The following ADAMTS17 variants were observed in gnomAD, a reference collection of about 807,000 sequenced individuals.
ADAMTS17 encodes the protein ADAM metallopeptidase with thrombospondin type 1 motif 17.
Under a neutral mutation model 141.5 loss-of-function variants are expected in ADAMTS17, and 113 were observed. The ratio of observed to expected loss-of-function variants is 0.80; its 90% CI spans 0.69 to 0.93. ADAMTS17 has a LOEUF of 0.93. ADAMTS17 is among the 40% of genes least tolerant of loss of function. The probability of loss-of-function intolerance (pLI) is 0.00; values close to 1 mark genes in which losing one functional copy is unlikely to be tolerated. For synonymous variants in ADAMTS17, 768 were observed against 630.6 expected, an observed-to-expected ratio of 1.22 and a Z score of -3.27; for missense variants, 1,659 against 1,517.9, an observed-to-expected ratio of 1.09 and a Z score of -1.54.
chr15:100,254,093 G>A (rs1227646218), intron 7 of ADAMTS17, 43 bp downstream of exon 7: 1 of 1,585,952 alleles, frequency 6.3e-7, no homozygotes, highest in Non-Finnish European at 8.7e-7. Context: ...ATTCTCCCAG[G>A]GTGTATCAGC....
At chr15:100,152,871 A>C in intron 9 of ADAMTS17, 109 bp from the exon 10 acceptor site, 1 of 1,426,334 alleles carries the variant, frequency 7.0e-7, no homozygotes, top group Non-Finnish European at 9.5e-7. Context: ...GGGCACCTCC[A>C]CGTTCCTTAT....
rs979109464 is a variant in ADAMTS17 at position 100,326,356 on chromosome 15, T to C, written c.616+4533A>G. On this transcript the variant is annotated intron_variant, in intron 3 of 21. Coordinates refer to ENST00000268070, the MANE Select transcript of ADAMTS17 (RefSeq NM_139057.4). ...GAACACTGGATACACTACAAAATCATATTTTATTTTATCCACTGGGAGAGC... is the reference window on the plus strand; with the variant it reads ...GAACACTGGATACACTACAAAATCACATTTTATTTTATCCACTGGGAGAGC... 5.9e-5 allele frequency among the ~76,000 whole-genome samples: 9 copies of C among 152,298 alleles called. No homozygotes were observed. The Middle Eastern group carries it at 0.01, about 173-fold the overall frequency.
intron 18 of ADAMTS17, among the ~76,000 whole-genome samples, chr15:100,024,299 T>C (rs530892144): frequency 6.6e-6 from 1 of 152,360 alleles, no homozygotes; most frequent in South Asian, 2.1e-4. Context: ...TCTCATTTTG[T>C]TGCCCTGGCT....
At chr15:100,173,446 G>C (rs1019893765) in intron 8 of ADAMTS17, among the ~76,000 whole-genome samples, 6 of 152,056 alleles carry the variant, frequency 3.9e-5, no homozygotes, top group Non-Finnish European at 5.9e-5. Flanking sequence ...AGGACCCCAA[G>C]TCAACCACCT....
chr15:100,177,676 G>A (rs533155469), intron 8 of ADAMTS17, among the ~76,000 whole-genome samples: 2 of 152,258 alleles, frequency 1.3e-5, no homozygotes, highest in African/African-American at 4.8e-5. Context: ...TTGATGTTTG[G>A]TTCTATATCC....
At chr15:99,976,891 T>C (rs2060344545) in intron 20 of ADAMTS17, among the ~76,000 whole-genome samples, 1 of 152,196 alleles carries the variant, frequency 6.6e-6, no homozygotes, top group Non-Finnish European at 1.5e-5. Flanking sequence ...TAACTCATGC[T>C]AGCTGCATTC....
At chr15:100,108,863 G>A (rs1187922095) in intron 14 of ADAMTS17, 126 bp downstream of exon 14, 1 of 1,529,240 alleles carries the variant, frequency 6.5e-7, no homozygotes, top group Non-Finnish European at 9.0e-7. Flanking sequence ...GGCATCACTG[G>A]GTGCCTTCCT....
chr15:100,010,800 G>C (rs1260914402), intron 18 of ADAMTS17, among the ~76,000 whole-genome samples: 2 of 152,222 alleles, frequency 1.3e-5, no homozygotes, highest in East Asian at 1.9e-4. Context: ...GGGCTGCAAT[G>C]TTCTCCCAGG....
At chr15:100,079,032 C>CATTTGT (rs2034563491) in intron 15 of ADAMTS17, among the ~76,000 whole-genome samples, 1 of 152,184 alleles carries the variant, frequency 6.6e-6, no homozygotes, top group South Asian at 2.1e-4. Flanking sequence ...ATTGTACCCA[C>CATTTGT]TAGGATGACT....
intron 18 of ADAMTS17, among the ~76,000 whole-genome samples, chr15:100,000,242 C>A (rs1012139800): frequency 4.6e-5 from 7 of 152,202 alleles, no homozygotes. Context: ...AAATTCTACA[C>A]ATTTCTCCTA....
intron 7 of ADAMTS17, among the ~76,000 whole-genome samples, chr15:100,236,317 C>A (rs1175002820): frequency 1.4e-5 from 2 of 144,762 alleles, no homozygotes. Context: ...CAAGAGAAGA[C>A]CCCCAGCCAC....
At chr15:100,299,991 T>G (rs1308124571) in intron 3 of ADAMTS17, among the ~76,000 whole-genome samples, 1 of 152,212 alleles carries the variant, frequency 6.6e-6, no homozygotes, top group Non-Finnish European at 1.5e-5. Context: ...TCTGAATGAA[T>G]AAGTTAATGA....
At chr15:100,327,946 C>T (rs191824555) in intron 3 of ADAMTS17, among the ~76,000 whole-genome samples, 1 of 152,316 alleles carries the variant, frequency 6.6e-6, no homozygotes, top group Non-Finnish European at 1.5e-5. Context: ...GACATAAAAC[C>T]CTACTCAGCA....
chr15:99,975,995 G>A (rs1596129397), intron 21 of ADAMTS17, 50 bp downstream of exon 21: 3 of 1,519,112 alleles, frequency 2.0e-6, no homozygotes, highest in African/African-American at 1.4e-5. Flanking sequence ...GACTTACTGG[G>A]CAGGAGACAC....
chr15:100,019,336 C>T (rs2061355239), intron 18 of ADAMTS17, among the ~76,000 whole-genome samples: 1 of 152,088 alleles, frequency 6.6e-6, no homozygotes, highest in Non-Finnish European at 1.5e-5. Context: ...AAAAGGACTT[C>T]CAACGTATCT....
Position 100,313,726 on chromosome 15 carries a change from T to C in ADAMTS17, c.616+17163A>G, listed in dbSNP as rs144352306. On this transcript the variant is annotated intron_variant, in intron 3 of 21. Coordinates refer to ENST00000268070, the MANE Select transcript of ADAMTS17 (RefSeq NM_139057.4). ...TCTTGCTGGACACGTACACCCCAAA[T>C]GTCACCATGAAGAAACGTCAGACAA... 3.6e-3 allele frequency among the ~76,000 whole-genome samples: 543 copies of C among 149,108 alleles called. 4 individuals are homozygous for C. The highest frequency in any genetic ancestry group is 0.011 in the African/African-American group (454 of 40,110).
At position 100,341,083 on chromosome 15, in the gene ADAMTS17, CG is replaced by C; in HGVS notation, c.405del (p.Gly136AlafsTer27). ...CAGGCGCTGAGCGAGACGAGGGAGCCGGGGTGGCCGAGCACACGGCCCGAGT... is the reference window on the plus strand; with the variant it reads ...CAGGCGCTGAGCGAGACGAGGGAGCCGGGTGGCCGAGCACACGGCCCGAGT... ...CFYSGRVLGH[P>X]GSLVSLSACG... On this transcript the variant is annotated frameshift_variant, in exon 2 of 22. Transcript: ENST00000268070. LOFTEE classifies it high-confidence loss of function. 1 of 1,519,556 alleles carries C rather than the reference CG, an allele frequency of 6.6e-7. No homozygotes were observed. Among genetic ancestry groups the C allele is most frequent in the Non-Finnish European group, 8.8e-7 (1 of 1,139,134 alleles). 94.1% of individuals were successfully genotyped at this position (1,519,556 alleles called of 1,614,324 possible). A position where few individuals can be genotyped will look rare whatever the true frequency, so the allele number is the denominator to read the frequency against.
chr15:100,063,094 A>G (rs2033243622), intron 15 of ADAMTS17, among the ~76,000 whole-genome samples: 1 of 152,248 alleles, frequency 6.6e-6, no homozygotes, highest in Non-Finnish European at 1.5e-5. Flanking sequence ...TTGCTCCTGC[A>G]TAGTTAGGAA....
chr15:100,066,020 C>A (rs950592824), intron 15 of ADAMTS17, among the ~76,000 whole-genome samples: 1 of 152,172 alleles, frequency 6.6e-6, no homozygotes, highest in Non-Finnish European at 1.5e-5. Flanking sequence ...ATGATGGTTT[C>A]CAGCTTCATC....
Sources: gnomAD v4.1 joint callset for allele counts (sites outside exome capture counted in the v4.1 genomes callset) on GRCh38, gnomAD v4.1.1 for gene constraint, MANE v1.5 for transcripts, NCBI Gene and HGNC (gene_info 2026-07-23, HGNC 2026-07-21) for gene names.